The following UCP2 variants were observed in gnomAD, a reference collection of about 807,000 sequenced individuals.
The protein encoded by UCP2 is dicarboxylate carrier SLC25A8.
UCP2 carries 27 observed loss-of-function variants against 31.3 expected under a neutral mutation model. The ratio of observed to expected loss-of-function variants is 0.86; its 90% confidence interval spans 0.64 to 1.19. The LOEUF (loss-of-function observed/expected upper bound fraction) is 1.19, where lower values mean the gene tolerates loss of function less well. Ranked by LOEUF, UCP2 falls within the 50% of genes most tolerant of loss-of-function variation. UCP2 has a pLI of 0.00. For synonymous variants in UCP2, 142 were observed against 157.4 expected (o/e 0.90, Z 0.73); for missense variants, 377 against 413.5 (o/e 0.91, Z 0.76).
At position 73,975,426 on chromosome 11, in the gene UCP2, TCC is replaced by T; in HGVS notation, c.815+63_815+64del. ...TGCTACTCACTTCCAGGTGGTTCTC[TCC>T]CACCCACAATAGACATGCATAGCCA... On this transcript the variant is annotated intron_variant, in intron 7 of 7. Coordinates refer to ENST00000663595, the MANE Select transcript of UCP2 (RefSeq NM_003355.3). The T allele has an allele frequency of 2.6e-6, 4 of 1,538,824 alleles. No individual in the cohort carries two copies. In the South Asian group the frequency reaches 5.0e-5, roughly 19 times the overall value.
Position 73,974,887 on chromosome 11 carries a change from A to G in UCP2, c.*120T>C. 2.3e-6 allele frequency: 2 copies of G among 875,182 alleles called. No individual in the cohort carries two copies. The highest frequency in any genetic ancestry group is 3.8e-6 in the Non-Finnish European group (2 of 531,400). The allele number at this position is 875,182 out of a possible 1,614,324, so 54.2% of individuals were successfully genotyped here. A position where few individuals can be genotyped will look rare whatever the true frequency, so the allele number is the denominator to read the frequency against. ...AGGTGGTAGGTAAAGGAGCGGAAGG[A>G]AGAGGTGGGGAAAGAGGGAAGGAGA... On this transcript the variant is annotated 3_prime_UTR_variant, in exon 8 of 8. Coordinates refer to ENST00000663595, the MANE Select transcript of UCP2 (RefSeq NM_003355.3).
chr11:73,979,574 C>A (rs965338445), intron 2 of UCP2, among the ~76,000 whole-genome samples: 9 of 150,872 alleles, frequency 6.0e-5, no homozygotes, highest in African/African-American at 2.0e-4. Flanking sequence ...CAAAAAAAAA[C>A]CTAGCACTTT....
In UCP2 at chr11:73,976,738, G is replaced by A. The variant is rs1591219475; in HGVS notation, c.537C>T (p.Thr179=). The change falls in exon 6 of 8, where the codon ACC becomes ACT. Residue 179 remains threonine, a synonymous_variant. Transcript: ENST00000663595. ...TGGCATTACGAGCAACATTGGGAGA[G>A]GTCCCTGTAGGAGGAGGAAGATCCT... ...EEGFRGLWKG[T]SPNVARNAIV... 8 of 1,614,166 alleles carry A rather than the reference G, an allele frequency of 5.0e-6. No individual in the cohort carries two copies. The highest frequency in any genetic ancestry group is 5.9e-6 in the Non-Finnish European group (7 of 1,180,026).
chr11:73,975,341 A>T, intron 7 of UCP2, 150 bp downstream of exon 7: 1 of 1,033,972 alleles, frequency 9.7e-7, no homozygotes, highest in Non-Finnish European at 1.4e-6. Context: ...GAAGGAATTA[A>T]GGGGATAGGT....
At chr11:73,977,694 C>T (rs1224492087) in intron 4 of UCP2, among the ~76,000 whole-genome samples, 192 bp downstream of exon 4, 2 of 152,132 alleles carry the variant, frequency 1.3e-5, no homozygotes, top group Admixed American at 6.5e-5. Flanking sequence ...GATGGGATGA[C>T]GCCCTGCTCA....
At chr11:73,980,498 G>A (rs1951433291) in intron 2 of UCP2, among the ~76,000 whole-genome samples, 1 of 152,170 alleles carries the variant, frequency 6.6e-6, no homozygotes, top group Non-Finnish European at 1.5e-5. Flanking sequence ...TTGGGTTGAT[G>A]AAGGTGCCCT....
rs759618182 is a variant in UCP2, at chr11:73,977,958, G to C, written c.265C>G (p.Gln89Glu). 1 of 1,614,206 alleles carries C rather than the reference G, an allele frequency of 6.2e-7. No individual in the cohort carries two copies. The highest frequency in any genetic ancestry group is 8.5e-7 in the Non-Finnish European group (1 of 1,180,030). Residue 89 changes from glutamine (Q) to glutamate (E), a missense_variant, in exon 4 of 8, where the codon CAA (glutamine) becomes GAA (glutamate). Transcript: ENST00000663595. ...YNGLVAGLQRQMSFASVRIGL... is the reference protein window; with the variant it reads ...YNGLVAGLQREMSFASVRIGL... The stretch of plus-strand genomic sequence containing the variant: ...ATGCGGACAGAGGCAAAGCTCATTT[G>C]GCGCTGCAGGCCGGCAACCAGCCCA...
At chr11:73,979,864 A>G (rs1327598031) in intron 2 of UCP2, 1 of 151,938 alleles carries the variant, frequency 6.6e-6, no homozygotes, top group African/African-American at 2.4e-5. Context: ...CTTCTTAGAT[A>G]AGGTAACATT....
chr11:73,975,042 T>C lies in UCP2; in HGVS notation c.895A>G (p.Met299Val), dbSNP rs1355200443. ...VTYEQLKRALMAACTSREAPF is the reference protein window; with the variant it reads ...VTYEQLKRALVAACTSREAPF Reference sequence around the variant, plus strand: ...GCCTCTCGGGAAGTGCAGGCAGCCATGAGGGCTCGTTTCAGCTGCTCATAG... The same window carrying C: ...GCCTCTCGGGAAGTGCAGGCAGCCACGAGGGCTCGTTTCAGCTGCTCATAG... Residue 299 changes from methionine (M) to valine (V), a missense_variant, in exon 8 of 8, where the codon ATG (methionine) becomes GTG (valine). By Grantham distance (21) the Met-to-Val change is conservative. Transcript: ENST00000663595. 6.2e-7 allele frequency: 1 copy of C among 1,613,418 alleles called. No homozygotes were observed. The highest frequency in any genetic ancestry group is 1.1e-5 in the South Asian group (1 of 90,944).
At chr11:73,975,717 T>C (rs1217300011) in intron 6 of UCP2, 46 bp from the exon 7 acceptor site, 1 of 1,609,238 alleles carries the variant, frequency 6.2e-7, no homozygotes, top group East Asian at 2.2e-5. Context: ...TCACCCATCA[T>C]TCCAGAAGGC....
chr11:73,980,407 A>C (rs1951431862), intron 2 of UCP2, among the ~76,000 whole-genome samples: 1 of 152,190 alleles, frequency 6.6e-6, no homozygotes, highest in Non-Finnish European at 1.5e-5. Flanking sequence ...ACTGGGACCT[A>C]TAGAACAGGG....
Position 73,975,107 on chromosome 11 carries a change from A to T in UCP2, c.830T>A (p.Phe277Tyr). ...RAFYKGFMPS[F>Y]LRLGSWNVVM... ...CACGTTCCAGGAACCCAAGCGGAGA[A>T]AGGAGGGCATGAACCTAGAGGAGAA... The change falls in exon 8 of 8, where the codon TTT (phenylalanine) becomes TAT (tyrosine). Residue 277 changes from phenylalanine to tyrosine, a missense_variant. Coordinates refer to ENST00000663595, the MANE Select transcript of UCP2 (RefSeq NM_003355.3). 1 of 1,613,060 alleles carries T rather than the reference A, an allele frequency of 6.2e-7. No homozygotes were observed. Among genetic ancestry groups the T allele is most frequent in the Non-Finnish European group, 8.5e-7 (1 of 1,179,522 alleles).
intron 2 of UCP2, chr11:73,979,837 C>G (rs1951423276): frequency 6.6e-6 from 1 of 151,370 alleles, no homozygotes; most frequent in Non-Finnish European, 1.5e-5. Context: ...AAAAACAAAC[C>G]CCAAAAAACC....
chr11:73,977,393 T>G (rs1951369481), intron 4 of UCP2, among the ~76,000 whole-genome samples: 1 of 152,248 alleles, frequency 6.6e-6, no homozygotes, highest in African/African-American at 2.4e-5. Flanking sequence ...ACTTGGGATC[T>G]CAGGTCAGCT....
chr11:73,974,904 GGAAGGAGA>G lies in UCP2; in HGVS notation c.*95_*102del. On this transcript the variant is annotated 3_prime_UTR_variant, in exon 8 of 8. Coordinates refer to ENST00000663595, the MANE Select transcript of UCP2 (RefSeq NM_003355.3). ...GCGGAAGGAAGAGGTGGGGAAAGAG[GGAAGGAGA>G]GAAGGGAAGGAGGGAAGAGAAAGAA... 1 of 968,560 alleles carries G rather than the reference GGAAGGAGA, an allele frequency of 1.0e-6. No homozygotes were observed. The highest frequency in any genetic ancestry group is 1.7e-5 in the African/African-American group (1 of 59,782). The allele number at this position is 968,560 out of a possible 1,614,324, so 60.0% of individuals were successfully genotyped here. A position where few individuals can be genotyped will look rare whatever the true frequency, so the allele number is the denominator to read the frequency against.
At position 73,975,065 on chromosome 11, in the gene UCP2, T is replaced by C. The variant is rs766756088; in HGVS notation, c.872A>G (p.Tyr291Cys). ...GSWNVVMFVT[Y>C]EQLKRALMAA... ...CATGAGGGCTCGTTTCAGCTGCTCA[T>C]AGGTGACGAACATCACCACGTTCCA... Residue 291 changes from tyrosine (Y) to cysteine (C), a missense_variant, in exon 8 of 8, where the codon TAT becomes TGT. Coordinates refer to ENST00000663595, the MANE Select transcript of UCP2 (RefSeq NM_003355.3). 1.2e-6 allele frequency: 2 copies of C among 1,613,644 alleles called. No homozygotes were observed. Among genetic ancestry groups the C allele is most frequent in the Non-Finnish European group, 1.7e-6 (2 of 1,179,874 alleles).
At position 73,975,174 on chromosome 11, in the gene UCP2, C is replaced by T. The variant is rs1317507315; in HGVS notation, c.816-53G>A. On this transcript the variant is annotated intron_variant, in intron 7 of 7. Coordinates refer to ENST00000663595, the MANE Select transcript of UCP2 (RefSeq NM_003355.3). ...GGGCACCTCCACCTCCCACTTCCCT[C>T]ACTGGGCCTGGTATTCAATCCAACC... The T allele has an allele frequency of 8.7e-6, 13 of 1,486,718 alleles. No individual in the cohort carries two copies. In the East Asian group the frequency reaches 9.7e-5, roughly 11 times the overall value. The allele number at this position is 1,486,718 out of a possible 1,614,324, so 92.1% of individuals were successfully genotyped here. A position where few individuals can be genotyped will look rare whatever the true frequency, so the allele number is the denominator to read the frequency against.
chr11:73,982,056 A>G (rs1054627396), intron 1 of UCP2, among the ~76,000 whole-genome samples: 1 of 152,070 alleles, frequency 6.6e-6, no homozygotes, highest in Non-Finnish European at 1.5e-5. Context: ...AGCCCACTAG[A>G]AAAAGCCCCC....
intron 2 of UCP2, among the ~76,000 whole-genome samples, chr11:73,980,355 TG>T (rs2135371522): frequency 6.6e-6 from 1 of 152,270 alleles, no homozygotes; most frequent in South Asian, 2.1e-4. Flanking sequence ...TCCAGGTGGC[TG>T]GGGCAAGCAG....
Sources: gnomAD v4.1 joint callset for allele counts (sites outside exome capture counted in the v4.1 genomes callset) on GRCh38, gnomAD v4.1.1 for gene constraint, MANE v1.5 for transcripts, NCBI Gene and HGNC (gene_info 2026-07-23, HGNC 2026-07-21) for gene names.